Variants in OR4P4 observed in about 807,000 individuals in gnomAD.
The protein encoded by OR4P4 is olfactory receptor family 4 subfamily P member 4, also known as olfactory receptor 4P4.
Under a neutral mutation model 2.1 loss-of-function variants are expected in OR4P4, and 1 was observed. That is an observed-to-expected ratio of 0.47 (90% CI 0.17 to 2.21). OR4P4 has a LOEUF of 2.21. Ranked by LOEUF, OR4P4 falls within the 30% of genes most tolerant of loss-of-function variation. OR4P4 has a pLI of 0.27. For missense variants in OR4P4, 375 were observed against 376.5 expected (o/e 1.00, Z 0.03); for synonymous variants, 129 against 133.2 (o/e 0.97, Z 0.22).
rs1306071832 is a variant in OR4P4, at chr11:55,639,087, G to T, written c.730G>T (p.Val244Phe). The change falls in exon 2 of 2, where the codon GTT becomes TTT. Residue 244 changes from valine (V) to phenylalanine (F), a missense_variant. Physicochemically the swap from Val to Phe is conservative, Grantham distance 50 (BLOSUM62 -1). Coordinates refer to ENST00000641760, the Ensembl canonical transcript of OR4P4. ...TGCCACTTGTAGTTCTCATGTAATT[G>T]TTGTGGTCCTGTTTTTTGCACCTGC... 1.2e-5 allele frequency: 18 copies of T among 1,492,684 alleles called. 4 individuals carry two copies. The highest frequency in any genetic ancestry group is 1.5e-5 in the Non-Finnish European group (17 of 1,097,224). 92.5% of individuals were successfully genotyped at this position (1,492,684 alleles called of 1,614,324 possible).
intron 1 of OR4P4, among the ~76,000 whole-genome samples, chr11:55,637,407 T>G (rs1321342172): frequency 7.2e-6 from 1 of 138,390 alleles, no homozygotes; most frequent in Non-Finnish European, 1.6e-5. Flanking sequence ...GAAATTGCCT[T>G]TCTTATTTAT....
intron 1 of OR4P4, among the ~76,000 whole-genome samples, chr11:55,637,141 T>C (rs1350069136): frequency 7.2e-6 from 1 of 138,256 alleles, no homozygotes; most frequent in Non-Finnish European, 1.6e-5. Context: ...CAAATTACGT[T>C]GTTAGTAAAC....
At chr11:55,635,306 A>G (rs1858375302) in intron 1 of OR4P4, 90 bp downstream of exon 1, 1 of 137,818 alleles carries the variant, frequency 7.3e-6, no homozygotes, top group Non-Finnish European at 1.6e-5. Context: ...ACTTTAGAAT[A>G]TAGCCTTTAC....
At chr11:55,636,258 G>T (rs1308925007) in intron 1 of OR4P4, among the ~76,000 whole-genome samples, 2 of 137,714 alleles carry the variant, frequency 1.5e-5, no homozygotes, top group African/African-American at 5.0e-5. Flanking sequence ...ATGTTTGGGA[G>T]AACAAAATAT....
chr11:55,635,351 T>C (rs1342690595), intron 1 of OR4P4, 135 bp downstream of exon 1: 2 of 138,034 alleles, frequency 1.4e-5, no homozygotes, highest in African/African-American at 5.0e-5. Context: ...CTTGAACACC[T>C]TCAGAAATCA....
chr11:55,639,265 A>G, exon 2 of OR4P4: 1 of 1,464,524 alleles, frequency 6.8e-7, no homozygotes, highest in South Asian at 1.2e-5. Context: ...TGGTGTTGTC[A>G]AATACTCCTG....
chr11:55,638,397 G>T, exon 2 of OR4P4: 1 of 1,445,670 alleles, frequency 6.9e-7, no homozygotes, highest in South Asian at 1.3e-5. Context: ...TATTCTCTTG[G>T]GGTTTTCCCA....
exon 2 of OR4P4, chr11:55,638,475 A>C: frequency 6.8e-7 from 1 of 1,474,062 alleles, no homozygotes; most frequent in East Asian, 2.6e-5. Flanking sequence ...TTGGATGGGA[A>C]ACTTACTCAT....
rs749269138 is a variant in OR4P4, at chr11:55,638,378, C to T, written c.21C>T (p.Ser7=). Residue 7 remains serine, a synonymous_variant, in exon 2 of 2, where the codon AGC becomes AGT. Coordinates refer to ENST00000641760, the Ensembl canonical transcript of OR4P4. ...GGACCATGGAAAAAAGCAATAATAG[C>T]ACTTTGTTTATTCTCTTGGGGTTTT... 4.3e-6 allele frequency: 6 copies of T among 1,394,156 alleles called. No homozygotes were observed. In the Admixed American group the frequency reaches 1.2e-4, roughly 27 times the overall value. The allele number at this position is 1,394,156 out of a possible 1,614,324, so 86.4% of individuals were successfully genotyped here. A position where few individuals can be genotyped will look rare whatever the true frequency, so the allele number is the denominator to read the frequency against.
chr11:55,638,788 T>A lies in OR4P4; in HGVS notation c.431T>A (p.Ile144Lys), dbSNP rs754516549. Residue 144 changes from isoleucine (I) to lysine (K), a missense_variant, in exon 2 of 2, where the codon ATA becomes AAA. Transcript: ENST00000641760. ...AGGCAAAAGTGTAACACAATCATCA[T>A]AGTTTGTTGTACTGGGGGATTTATA... 9.4e-6 allele frequency: 14 copies of A among 1,492,228 alleles called. 5 individuals carry two copies. In the South Asian group the frequency reaches 1.7e-4, roughly 18 times the overall value. The allele number at this position is 1,492,228 out of a possible 1,614,324, so 92.4% of individuals were successfully genotyped here. A position where few individuals can be genotyped will look rare whatever the true frequency, so the allele number is the denominator to read the frequency against.
At chr11:55,637,980 A>G (rs927761271) in intron 1 of OR4P4, among the ~76,000 whole-genome samples, 1 of 138,412 alleles carries the variant, frequency 7.2e-6, no homozygotes, top group African/African-American at 2.5e-5. Context: ...CAGAGAGTAA[A>G]AGCAGTATCC....
rs780464742 is a variant in OR4P4, at chr11:55,638,914, C to A, written c.557C>A (p.Ala186Asp). The A allele has an allele frequency of 2.0e-6, 3 of 1,490,276 alleles. 1 individual carries two copies. Among genetic ancestry groups the A allele is most frequent in the African/African-American group, 1.4e-5 (1 of 72,804 alleles). 92.3% of individuals were successfully genotyped at this position (1,490,276 alleles called of 1,614,324 possible). Residue 186 changes from alanine (A) to aspartate (D), a missense_variant, in exon 2 of 2, where the codon GCC becomes GAC. By Grantham distance (126) the Ala-to-Asp change is moderately radical (BLOSUM62 -2). Coordinates refer to ENST00000641760, the Ensembl canonical transcript of OR4P4. The stretch of plus-strand genomic sequence containing the variant: ...GATGTGTATCCTTTGCTGAAATTGG[C>A]CTGTTCTAATATACACATGATAGGT...
exon 2 of OR4P4, chr11:55,639,016 T>G: frequency 6.7e-7 from 1 of 1,492,192 alleles, no homozygotes; most frequent in South Asian, 1.2e-5. Flanking sequence ...GTTTTTATAT[T>G]GTATACCATC....
rs1858375559 is a variant in OR4P4, at chr11:55,635,341, C to T, written c.-31+125C>T. ...CCTAAAATTTTGCCTGGCATTTGAG[C>T]TTGAACACCTTCAGAAATCACTTGG... On this transcript the variant is annotated intron_variant, in intron 1 of 1. Coordinates refer to ENST00000641760, the Ensembl canonical transcript of OR4P4. The T allele has an allele frequency of 1.5e-5, 2 of 137,632 alleles. 1 individual carries two copies. The highest frequency in any genetic ancestry group is 4.7e-4 in the South Asian group (2 of 4,256). 8.5% of individuals were successfully genotyped at this position (137,632 alleles called of 1,614,324 possible). A position where few individuals can be genotyped will look rare whatever the true frequency, so the allele number is the denominator to read the frequency against.
chr11:55,638,885 C>G, exon 2 of OR4P4: 1 of 1,493,662 alleles, frequency 6.7e-7, no homozygotes, highest in Non-Finnish European at 9.1e-7. Flanking sequence ...ATCACTACTT[C>G]TGTGATGTGT....
chr11:55,635,771 T>TA (rs1858379703), intron 1 of OR4P4, among the ~76,000 whole-genome samples: 1 of 137,522 alleles, frequency 7.3e-6, no homozygotes, highest in Non-Finnish European at 1.6e-5. Flanking sequence ...TGAAAATATA[T>TA]TTTTTACTCC....
In OR4P4 at chr11:55,638,860, G is replaced by T; in HGVS notation, c.503G>T (p.Gly168Val). The change falls in exon 2 of 2, where the codon GGC (glycine) becomes GTC (valine). Residue 168 changes from glycine to valine, a missense_variant. Physicochemically the swap from Gly to Val is moderately radical, Grantham distance 109. Transcript: ENST00000641760. ...CTCACCATCTTTGTACCATTTTGTG[G>T]CCCAAATGAGATAGATCACTACTTC... 2.0e-6 allele frequency: 3 copies of T among 1,493,112 alleles called. 1 individual carries two copies. The highest frequency in any genetic ancestry group is 2.7e-6 in the Non-Finnish European group (3 of 1,098,210). The allele number at this position is 1,493,112 out of a possible 1,614,324, so 92.5% of individuals were successfully genotyped here.
exon 2 of OR4P4, chr11:55,639,410 T>C (rs7943858): frequency 0.066 from 38,505 of 587,244 alleles, 8,071 homozygotes; most frequent in Non-Finnish European, 0.082. Context: ...AGCATATCCC[T>C]TCTGTGGTTT....
chr11:55,638,263 A>C, intron 1 of OR4P4, 65 bp from the exon 2 acceptor site: 1 of 642,708 alleles, frequency 1.6e-6, no homozygotes, highest in Non-Finnish European at 2.5e-6. Context: ...CTAGTTCCTC[A>C]AATAAAATAT....
Sources: allele counts gnomAD v4.1 joint callset (sites outside exome capture counted in the v4.1 genomes callset), GRCh38; gene constraint gnomAD v4.1.1; transcripts MANE v1.5; gene names NCBI Gene and HGNC (gene_info 2026-07-23, HGNC 2026-07-21).